AGAP1: variants seen among roughly 807,000 people sequenced by gnomAD.
The protein encoded by AGAP1 is arf-GAP with GTPase, ANK repeat and PH domain-containing protein 1.
AGAP1 carries 29 observed loss-of-function variants against 105.3 expected under a neutral mutation model. That is an observed-to-expected ratio of 0.28 (90% confidence interval 0.21 to 0.38). AGAP1 has a LOEUF of 0.38. AGAP1 is among the 10% of genes least tolerant of loss of function. AGAP1 has a pLI of 1.00. For synonymous variants in AGAP1, 509 were observed against 485.9 expected, an observed-to-expected ratio of 1.05 and a Z score of -0.63; for missense variants, 998 against 1,165.1, an observed-to-expected ratio of 0.86 and a Z score of 2.09.
intron 13 of AGAP1, among the ~76,000 whole-genome samples, chr2:235,987,041 G>A (rs952617034): frequency 6.6e-6 from 1 of 152,108 alleles, no homozygotes; most frequent in Non-Finnish European, 1.5e-5. Context: ...AGTTTCAAAA[G>A]GAATGATACC....
At chr2:235,851,632 C>T (rs181580025) in intron 9 of AGAP1, among the ~76,000 whole-genome samples, 136 of 152,150 alleles carry the variant, frequency 8.9e-4, no homozygotes, top group African/African-American at 3.2e-3. Flanking sequence ...CTAGGCTTAT[C>T]TCCGTGTGTG....
chr2:235,571,960 A>C, intron 1 of AGAP1, among the ~76,000 whole-genome samples: 1 of 38,198 alleles, frequency 2.6e-5, no homozygotes. Context: ...GTGTGTGTGT[A>C]TACATATATA....
chr2:235,513,439 T>C (rs1942237215), intron 1 of AGAP1, among the ~76,000 whole-genome samples: 1 of 146,804 alleles, frequency 6.8e-6, no homozygotes, highest in Non-Finnish European at 1.5e-5. Flanking sequence ...GAGAATCCCT[T>C]GAACCCAGGA....
At chr2:236,057,203 G>C (rs975006962) in intron 16 of AGAP1, among the ~76,000 whole-genome samples, 8 of 152,268 alleles carry the variant, frequency 5.3e-5, no homozygotes, top group African/African-American at 1.9e-4. Flanking sequence ...CTGTCTCCTA[G>C]GTTCAAGTGA....
intron 11 of AGAP1, among the ~76,000 whole-genome samples, chr2:235,910,658 C>T (rs1019408222): frequency 6.6e-6 from 1 of 152,238 alleles, no homozygotes; most frequent in African/African-American, 2.4e-5. Context: ...TGGCTCACGC[C>T]TGTAACCCCA....
chr2:235,531,799 C>T (rs780061242), intron 1 of AGAP1, among the ~76,000 whole-genome samples: 2 of 151,636 alleles, frequency 1.3e-5, no homozygotes, highest in African/African-American at 2.4e-5. Context: ...TTAGTAGAGA[C>T]GGGGGTTTCA....
rs115314637 is a variant in AGAP1 at position 236,023,610 on chromosome 2, C to T, written c.1646-12951C>T. 5.8e-3 allele frequency among the ~76,000 whole-genome samples: 881 copies of T among 152,098 alleles called. 5 individuals carry two copies. The highest frequency in any genetic ancestry group is 0.02 in the African/African-American group (832 of 41,500). On this transcript the variant is annotated intron_variant, in intron 13 of 17. Coordinates refer to ENST00000304032, the MANE Select transcript of AGAP1 (RefSeq NM_001037131.3). ...AGTGGAGAAGATGGTTATTTTCTGC[C>T]CAGGCCTTGGCTGTTGTATTGTCCC... is the stretch of plus-strand genomic sequence containing the variant.
intron 1 of AGAP1, among the ~76,000 whole-genome samples, chr2:235,526,096 TTTATAAA>T: frequency 2.0e-5 from 1 of 50,358 alleles, no homozygotes; most frequent in Non-Finnish European, 3.5e-5. Context: ...AGAGGACTGA[TTTATAAA>T]GTAGAGGACT....
intron 13 of AGAP1, among the ~76,000 whole-genome samples, chr2:236,024,024 T>TTG (rs199632350): frequency 0.024 from 3,116 of 128,994 alleles, 117 homozygotes; most frequent in African/African-American, 0.1. Context: ...GTTGGTTGTT[T>TTG]TTTTTTTTTG....
intron 1 of AGAP1, among the ~76,000 whole-genome samples, chr2:235,589,931 A>G (rs890101703): frequency 3.3e-5 from 5 of 151,364 alleles, no homozygotes; most frequent in Admixed American, 6.6e-5. Flanking sequence ...CCCAGGCTGG[A>G]GTGCAGTGGT....
Position 236,035,702 on chromosome 2 carries a change from G to T in AGAP1, c.1646-859G>T, listed in dbSNP as rs894314334. Among the ~76,000 whole-genome samples, 4 of 152,128 alleles carry T rather than the reference G, an allele frequency of 2.6e-5. No homozygotes were observed. ...CCTCCTCCTTTGGCGGGGACTTGGG[G>T]GCCGGGAGTAGGGACAGGAATAATG... On this transcript the variant is annotated intron_variant, in intron 13 of 17. Transcript: ENST00000304032. This position sits in a 1 kb window ranked among gnomAD's most constrained non-coding sequence, Gnocchi z 4.2.
chr2:235,759,462 C>T (rs1954255480), intron 6 of AGAP1, among the ~76,000 whole-genome samples: 1 of 152,236 alleles, frequency 6.6e-6, no homozygotes, highest in South Asian at 2.1e-4. Context: ...AGCCACCGCG[C>T]CCGGCCCTGG....
At chr2:235,688,336 C>G (rs1249082591) in intron 1 of AGAP1, among the ~76,000 whole-genome samples, 1 of 152,126 alleles carries the variant, frequency 6.6e-6, no homozygotes, top group Non-Finnish European at 1.5e-5. Context: ...GTTTGGGGAG[C>G]AGGTGTGTGC....
At chr2:236,093,313 A>G (rs1165892437) in intron 16 of AGAP1, among the ~76,000 whole-genome samples, 1 of 152,210 alleles carries the variant, frequency 6.6e-6, no homozygotes, top group Non-Finnish European at 1.5e-5. Flanking sequence ...CCCAGGGATC[A>G]CTTGGTCATT....
intron 9 of AGAP1, among the ~76,000 whole-genome samples, chr2:235,870,521 GAGGCT>G (rs1404263065): frequency 1.3e-5 from 2 of 152,110 alleles, no homozygotes; most frequent in Non-Finnish European, 2.9e-5. Flanking sequence ...ATCTACTTCG[GAGGCT>G]GAGGCAGGAG....
chr2:235,593,652 G>A (rs146308950), intron 1 of AGAP1, among the ~76,000 whole-genome samples: 4 of 152,022 alleles, frequency 2.6e-5, no homozygotes, highest in Non-Finnish European at 5.9e-5. Flanking sequence ...TATTCAAATC[G>A]TGTAGCGCTA....
At position 236,090,802 on chromosome 2, in the gene AGAP1, C is replaced by T. The variant is rs563807466; in HGVS notation, c.2115-29390C>T. Among the ~76,000 whole-genome samples, 17 of 152,298 alleles carry T rather than the reference C, an allele frequency of 1.1e-4. No individual in the cohort carries two copies. The highest frequency in any genetic ancestry group is 3.6e-4 in the African/African-American group (15 of 41,560). ...TTGCCCAGCCTGGAGTGCAGTGGCACGATCTTGGCTCACTGCAACCCCCGC... is the reference window on the plus strand; with the variant it reads ...TTGCCCAGCCTGGAGTGCAGTGGCATGATCTTGGCTCACTGCAACCCCCGC... On this transcript the variant is annotated intron_variant, in intron 16 of 17. Transcript: ENST00000304032. This position sits in a 1 kb window ranked among gnomAD's most constrained non-coding sequence, Gnocchi z 4.3.
intron 1 of AGAP1, among the ~76,000 whole-genome samples, chr2:235,685,158 T>C (rs1949312868): frequency 6.6e-6 from 1 of 152,056 alleles, no homozygotes; most frequent in African/African-American, 2.4e-5. Context: ...GACTCACGCC[T>C]TGTGAGGGGA....
chr2:235,885,283 C>T (rs1264178304), intron 10 of AGAP1, among the ~76,000 whole-genome samples: 1 of 152,200 alleles, frequency 6.6e-6, no homozygotes, highest in Non-Finnish European at 1.5e-5. Flanking sequence ...TATACTTGTA[C>T]ACCACCATTT....
Sources: gnomAD v4.1 joint callset for allele counts (sites outside exome capture counted in the v4.1 genomes callset) on GRCh38, gnomAD v4.1.1 for gene constraint, Gnocchi (gnomAD v3.1) non-coding constraint, MANE v1.5 for transcripts, NCBI Gene and HGNC (gene_info 2026-07-23, HGNC 2026-07-21) for gene names.